ARID5B: variants seen among roughly 807,000 people sequenced by gnomAD.
ARID5B encodes the protein AT-rich interactive domain-containing protein 5B.
A neutral mutation model predicts 97.2 loss-of-function variants in ARID5B; 13 were observed. That is an observed-to-expected ratio of 0.13 (90% CI 0.09 to 0.21). The LOEUF (loss-of-function observed/expected upper bound fraction) is 0.21, where lower values mean the gene tolerates loss of function less well. ARID5B is among the 10% of genes least tolerant of loss of function. The pLI is 1.00. For synonymous variants in ARID5B, 556 were observed against 570.3 expected (o/e 0.97, Z 0.36); for missense variants, 1,210 against 1,465.3 (o/e 0.83, Z 2.84).
At chr10:61,971,452 T>C (rs1838625519) in intron 3 of ARID5B, among the ~76,000 whole-genome samples, 1 of 152,238 alleles carries the variant, frequency 6.6e-6, no homozygotes, top group Admixed American at 6.5e-5. Flanking sequence ...TGCTGAGGGT[T>C]GTTGATATGT....
chr10:61,997,174 A>G (rs1324732319), intron 3 of ARID5B, among the ~76,000 whole-genome samples: 2 of 152,040 alleles, frequency 1.3e-5, no homozygotes, highest in Admixed American at 6.6e-5. Context: ...AGTAGGGGGA[A>G]CTTGCTGTTT....
intron 8 of ARID5B, among the ~76,000 whole-genome samples, chr10:62,072,254 C>A (rs572131860): frequency 2.0e-5 from 3 of 152,172 alleles, no homozygotes; most frequent in Non-Finnish European, 4.4e-5. Context: ...TCAGAGGACA[C>A]GCGCTGAAAC....
At chr10:61,916,000 C>G (rs1481067576) in intron 2 of ARID5B, among the ~76,000 whole-genome samples, 1 of 152,130 alleles carries the variant, frequency 6.6e-6, no homozygotes, top group Non-Finnish European at 1.5e-5. Flanking sequence ...AAGCAGTCCA[C>G]CCACCTCAGC....
intron 2 of ARID5B, among the ~76,000 whole-genome samples, chr10:61,930,715 G>A (rs140481878): frequency 7.5e-3 from 196 of 26,234 alleles, no homozygotes; most frequent in Non-Finnish European, 0.017. Context: ...GCGAGACTCC[G>A]CCTCAAAAAA....
At chr10:61,924,396 C>A (rs184087605) in intron 2 of ARID5B, among the ~76,000 whole-genome samples, 96 of 152,326 alleles carry the variant, frequency 6.3e-4, no homozygotes, top group African/African-American at 2.3e-3. Flanking sequence ...GGGCTTTTGA[C>A]TGAAGCCTGA....
chr10:61,987,009 A>G (rs1358753637), intron 3 of ARID5B, among the ~76,000 whole-genome samples: 4 of 152,334 alleles, frequency 2.6e-5, no homozygotes, highest in African/African-American at 9.6e-5. Flanking sequence ...TCTGGGCACT[A>G]GTAAGAAGCA....
chr10:62,012,936 G>A (rs964468322), intron 4 of ARID5B, among the ~76,000 whole-genome samples: 8 of 152,022 alleles, frequency 5.3e-5, no homozygotes, highest in Admixed American at 2.0e-4. Context: ...TTGCTGTTAT[G>A]TATAATATAT....
chr10:61,995,241 G>T (rs191910712), intron 3 of ARID5B, among the ~76,000 whole-genome samples: 1 of 152,288 alleles, frequency 6.6e-6, no homozygotes, highest in East Asian at 1.9e-4. Flanking sequence ...TTCATTCTTA[G>T]ATTTATCTGC....
chr10:61,935,706 G>A (rs1334005609), intron 2 of ARID5B, among the ~76,000 whole-genome samples: 1 of 151,796 alleles, frequency 6.6e-6, no homozygotes, highest in Non-Finnish European at 1.5e-5. Flanking sequence ...CACCAAAAAA[G>A]GAAATTTTAC....
At chr10:61,967,697 G>A (rs1371795740) in intron 3 of ARID5B, among the ~76,000 whole-genome samples, 2 of 152,190 alleles carry the variant, frequency 1.3e-5, no homozygotes, top group Non-Finnish European at 2.9e-5. Flanking sequence ...CCAAGCAGAT[G>A]TTTTGCTAGA....
At chr10:62,055,678 C>A (rs932611286) in intron 5 of ARID5B, among the ~76,000 whole-genome samples, 2 of 152,120 alleles carry the variant, frequency 1.3e-5, no homozygotes, top group Non-Finnish European at 2.9e-5. Flanking sequence ...TTTCCATAGC[C>A]CCTTAAAAGT....
intron 3 of ARID5B, among the ~76,000 whole-genome samples, chr10:61,950,898 G>C (rs1420970235): frequency 6.6e-6 from 1 of 152,188 alleles, no homozygotes; most frequent in Non-Finnish European, 1.5e-5. Flanking sequence ...GGAACACAAA[G>C]CAGATATATC....
At chr10:61,928,234 G>A (rs1844141828) in intron 2 of ARID5B, among the ~76,000 whole-genome samples, 1 of 152,018 alleles carries the variant, frequency 6.6e-6, no homozygotes, top group Non-Finnish European at 1.5e-5. Flanking sequence ...TATCTCTTAC[G>A]ATTCCTTTAC....
In ARID5B at chr10:62,091,049, T is replaced by G; in HGVS notation, c.1586T>G (p.Val529Gly). 1 of 1,613,990 alleles carries G rather than the reference T, an allele frequency of 6.2e-7. No homozygotes were observed. The highest frequency in any genetic ancestry group is 8.5e-7 in the Non-Finnish European group (1 of 1,179,978). The change falls in exon 10 of 10, where the codon GTG becomes GGG. Residue 529 changes from valine (V) to glycine (G), a missense_variant. Val to Gly is a moderately radical substitution (Grantham distance 109). Coordinates refer to ENST00000279873, the MANE Select transcript of ARID5B (RefSeq NM_032199.3). ...GACCAAGGTTCCAACAGTGAGAAGG[T>G]GGCAGAGGAGGCGGGAGAGAAGGGG... ...ETDQGSNSEK[V>G]AEEAGEKGPT...
intron 2 of ARID5B, among the ~76,000 whole-genome samples, chr10:61,913,221 A>G (rs150549572): frequency 6.6e-6 from 1 of 152,236 alleles, no homozygotes; most frequent in Non-Finnish European, 1.5e-5. Flanking sequence ...TGGTGTATCC[A>G]TTGGTAAAGC....
Position 62,012,005 on chromosome 10 carries a change from A to G in ARID5B, c.733+11684A>G, listed in dbSNP as rs754229344. Among the ~76,000 whole-genome samples the G allele has an allele frequency of 1.4e-3, 158 of 111,982 alleles. 3 individuals are homozygous for G. The highest frequency in any genetic ancestry group is 6.4e-3 in the Admixed American group (62 of 9,738). 73.5% of individuals were successfully genotyped at this position (111,982 alleles called of 152,430 possible). A position where few individuals can be genotyped will look rare whatever the true frequency, so the allele number is the denominator to read the frequency against. On this transcript the variant is annotated intron_variant, in intron 4 of 9. Coordinates refer to ENST00000279873, the MANE Select transcript of ARID5B (RefSeq NM_032199.3). The stretch of plus-strand genomic sequence containing the variant: ...CTTAGTACCATATTTCAAGGAGGGG[A>G]AAAAAAAAAGTAAATAGTAAAAACA...
Position 61,978,354 on chromosome 10 carries a change from G to T in ARID5B, c.503-21737G>T, listed in dbSNP as rs182311263. ...ACTTGGCCATGCAGGCTCTTTTTTGGTTCCATGTGAACTTTAAAGTAGTTT... is the reference window on the plus strand; with the variant it reads ...ACTTGGCCATGCAGGCTCTTTTTTGTTTCCATGTGAACTTTAAAGTAGTTT... On this transcript the variant is annotated intron_variant, in intron 3 of 9. Coordinates refer to ENST00000279873, the MANE Select transcript of ARID5B (RefSeq NM_032199.3). Among the ~76,000 whole-genome samples the T allele has an allele frequency of 2.0e-5, 3 of 152,208 alleles. No individual in the cohort carries two copies. In the East Asian group the frequency reaches 5.8e-4, roughly 29 times the overall value.
intron 2 of ARID5B, among the ~76,000 whole-genome samples, chr10:61,932,604 G>A (rs535198348): frequency 4.0e-5 from 6 of 151,880 alleles, no homozygotes; most frequent in Admixed American, 2.0e-4. Context: ...ATGCAGTTTC[G>A]CCATGTTGCC....
intron 4 of ARID5B, among the ~76,000 whole-genome samples, chr10:62,043,091 C>A (rs1464073097): frequency 1.3e-5 from 2 of 152,154 alleles, no homozygotes; most frequent in Non-Finnish European, 2.9e-5. Flanking sequence ...ACGTCCACTT[C>A]TTACAAGGGG....
Sources: gnomAD v4.1 joint callset for allele counts (sites outside exome capture counted in the v4.1 genomes callset) on GRCh38, gnomAD v4.1.1 for gene constraint, MANE v1.5 for transcripts, NCBI Gene and HGNC (gene_info 2026-07-23, HGNC 2026-07-21) for gene names.